Variants in ETNK1 observed in about 807,000 individuals in gnomAD.
ETNK1 encodes putative protein product of Nbla10396.
ETNK1 carries 8 observed loss-of-function variants against 45.1 expected under a neutral mutation model. That is an observed-to-expected ratio of 0.18 (90% CI 0.10 to 0.32). ETNK1 has a LOEUF of 0.32. Among genes scored for constraint, ETNK1 ranks in the 10% least tolerant of loss-of-function variants. The pLI is 1.00. For missense variants in ETNK1, 302 were observed against 430.6 expected (o/e 0.70, Z 2.64); for synonymous variants, 152 against 151.9 (o/e 1.00, Z -0.01).
rs539890689 is a variant in ETNK1, at chr12:22,690,257, T to A, written c.*5303T>A. 2 of 152,684 alleles carry A rather than the reference T, an allele frequency of 1.3e-5. No homozygotes were observed. The highest frequency in any genetic ancestry group is 4.8e-5 in the African/African-American group (2 of 41,584). The allele number at this position is 152,684 out of a possible 1,614,324, so 9.5% of individuals were successfully genotyped here. ...AATGCAACTTTTGATGTAGGTGTTT[T>A]GCTATGCCTCAGAAAATATCTGTCT... On this transcript the variant is annotated 3_prime_UTR_variant, in exon 8 of 8. Transcript: ENST00000266517.
chr12:22,681,054 A>T (rs1954210571), intron 6 of ETNK1, among the ~76,000 whole-genome samples: 1 of 152,158 alleles, frequency 6.6e-6, no homozygotes, highest in South Asian at 2.1e-4. Flanking sequence ...AATGTGAAAG[A>T]GATAGTATAG....
At chr12:22,684,320 G>A (rs141386423) in intron 6 of ETNK1, among the ~76,000 whole-genome samples, 163 bp from the exon 7 acceptor site, 19 of 152,146 alleles carry the variant, frequency 1.2e-4, no homozygotes, top group Admixed American at 3.3e-4. Flanking sequence ...CATCTAGTGG[G>A]TGCAGACGTC....
At chr12:22,683,666 G>A (rs1954233923) in intron 6 of ETNK1, among the ~76,000 whole-genome samples, 1 of 152,058 alleles carries the variant, frequency 6.6e-6, no homozygotes, top group Non-Finnish European at 1.5e-5. Flanking sequence ...GGTATACTGT[G>A]CTGCTTGGTA....
At chr12:22,668,530 AT>A (rs1455854160) in intron 4 of ETNK1, among the ~76,000 whole-genome samples, 9 of 151,888 alleles carry the variant, frequency 5.9e-5, no homozygotes, top group African/African-American at 2.2e-4. Context: ...TTTTTTTTAA[AT>A]TTTTTTCCTT....
intron 2 of ETNK1, among the ~76,000 whole-genome samples, chr12:22,646,189 C>T (rs1953804824): frequency 1.3e-5 from 2 of 151,976 alleles, no homozygotes; most frequent in Non-Finnish European, 2.9e-5. Context: ...ATTCCTATGG[C>T]ATTTCTTATT....
intron 1 of ETNK1, among the ~76,000 whole-genome samples, chr12:22,637,486 CAT>C (rs749424808): frequency 6.6e-6 from 1 of 152,124 alleles, no homozygotes; most frequent in Non-Finnish European, 1.5e-5. Flanking sequence ...CCCCAAGTGT[CAT>C]GTGTATGTGA....
intron 1 of ETNK1, among the ~76,000 whole-genome samples, chr12:22,629,058 C>T (rs1592108602): frequency 1.3e-5 from 2 of 152,022 alleles, no homozygotes; most frequent in African/African-American, 4.8e-5. Context: ...TAAAATTGAT[C>T]CAGTAGTTGT....
rs146158438 is a variant in ETNK1 at position 22,629,236 on chromosome 12, C to T, written c.156+3650C>T. ...AAGACAAATAAGAAAATTATAACAACGTAATGTTTATGGAATGAACATTCA... is the reference window on the plus strand; with the variant it reads ...AAGACAAATAAGAAAATTATAACAATGTAATGTTTATGGAATGAACATTCA... On this transcript the variant is annotated intron_variant, in intron 1 of 7. Coordinates refer to ENST00000266517, the MANE Select transcript of ETNK1 (RefSeq NM_018638.5). Among the ~76,000 whole-genome samples the T allele has an allele frequency of 7.6e-4, 116 of 152,138 alleles. 6 individuals are homozygous for T. The South Asian group carries it at 0.022, about 29-fold the overall frequency.
Position 22,625,307 on chromosome 12 carries a change from AG to A in ETNK1, c.-123del, listed in dbSNP as rs1953472549. 1 of 1,604,062 alleles carries A rather than the reference AG, an allele frequency of 6.2e-7. No individual in the cohort carries two copies. Among genetic ancestry groups the A allele is most frequent in the African/African-American group, 1.3e-5 (1 of 74,776 alleles). Reference sequence around the variant, plus strand: ...CTCCTGCCGCTCGCCCGCCCGTCCCAGCGCCCCCAGCCCTCCCGCGAGGGCG... The same window carrying A: ...CTCCTGCCGCTCGCCCGCCCGTCCCACGCCCCCAGCCCTCCCGCGAGGGCG... On this transcript the variant is annotated 5_prime_UTR_variant, in exon 1 of 8. Coordinates refer to ENST00000266517, the MANE Select transcript of ETNK1 (RefSeq NM_018638.5).
intron 1 of ETNK1, among the ~76,000 whole-genome samples, chr12:22,641,922 T>C (rs1444116899): frequency 6.6e-6 from 1 of 152,186 alleles, no homozygotes; most frequent in Non-Finnish European, 1.5e-5. Context: ...CAGTAATTTG[T>C]ATTGAGTAAT....
chr12:22,680,601 C>T (rs1377833469), intron 6 of ETNK1, among the ~76,000 whole-genome samples: 1 of 152,196 alleles, frequency 6.6e-6, no homozygotes, highest in Non-Finnish European at 1.5e-5. Flanking sequence ...GCAGATTTCT[C>T]TTATTCCTTA....
intron 2 of ETNK1, among the ~76,000 whole-genome samples, chr12:22,648,742 G>A (rs1953838138): frequency 6.6e-6 from 1 of 152,078 alleles, no homozygotes; most frequent in African/African-American, 2.4e-5. Context: ...ATGCTGACGA[G>A]CATGATTGCT....
chr12:22,649,066 G>A (rs1953842452), intron 2 of ETNK1, among the ~76,000 whole-genome samples: 1 of 151,978 alleles, frequency 6.6e-6, no homozygotes, highest in African/African-American at 2.4e-5. Context: ...TGGGTTGTTT[G>A]TGTTCTTATT....
chr12:22,657,003 G>A (rs1028253242), intron 2 of ETNK1: 3 of 163,750 alleles, frequency 1.8e-5, no homozygotes, highest in African/African-American at 7.2e-5. Flanking sequence ...TACAGTGTGT[G>A]TGTGTCTGTG....
chr12:22,679,161 C>A (rs1294633550), intron 6 of ETNK1, among the ~76,000 whole-genome samples: 1 of 152,178 alleles, frequency 6.6e-6, no homozygotes, highest in South Asian at 2.1e-4. Context: ...AAGAAAGAAG[C>A]CAGTAGTGGC....
intron 4 of ETNK1, among the ~76,000 whole-genome samples, chr12:22,668,858 T>C (rs1431559376): frequency 6.6e-6 from 1 of 152,252 alleles, no homozygotes; most frequent in Non-Finnish European, 1.5e-5. Flanking sequence ...AAACAGATTT[T>C]AACTTTTGTT....
intron 1 of ETNK1, among the ~76,000 whole-genome samples, chr12:22,640,314 C>A (rs991840594): frequency 1.3e-5 from 2 of 151,278 alleles, no homozygotes; most frequent in African/African-American, 4.9e-5. Flanking sequence ...GGATATAATT[C>A]GTCATGCAAA....
chr12:22,645,425 A>G (rs556613099), intron 2 of ETNK1, among the ~76,000 whole-genome samples: 1 of 151,964 alleles, frequency 6.6e-6, no homozygotes, highest in South Asian at 2.1e-4. Context: ...AGGTTTGTCA[A>G]GGCTGACTTT....
In ETNK1 at chr12:22,686,807, T is replaced by G. The variant is rs896067465; in HGVS notation, c.*1853T>G. ...TTTTGGTGGAATTTTTGTCTGTGGT[T>G]AGAACATTTTCATAAAACAGATAAA... On this transcript the variant is annotated 3_prime_UTR_variant, in exon 8 of 8. Transcript: ENST00000266517. 15 of 150,552 alleles carry G rather than the reference T, an allele frequency of 1.0e-4. No homozygotes were observed. The highest frequency in any genetic ancestry group is 2.1e-4 in the Non-Finnish European group (14 of 67,358). 9.3% of individuals were successfully genotyped at this position (150,552 alleles called of 1,614,324 possible).
Sources: allele counts gnomAD v4.1 joint callset (sites outside exome capture counted in the v4.1 genomes callset), GRCh38; gene constraint gnomAD v4.1.1; transcripts MANE v1.5; gene names NCBI Gene and HGNC (gene_info 2026-07-23, HGNC 2026-07-21).